The following SLF1 variants were observed in gnomAD, a reference collection of about 807,000 sequenced individuals.
SLF1 encodes SMC5/6 complex localization factor 1.
SLF1 carries 105 observed loss-of-function variants against 123.0 expected under a neutral mutation model. That is an observed-to-expected ratio of 0.85 (90% CI 0.73 to 1.00). SLF1 has a LOEUF of 1.00. Among genes scored for constraint, SLF1 ranks in the 50% least tolerant of loss-of-function variants. The pLI, the probability that SLF1 is intolerant of heterozygous loss-of-function variation, is 0.00. For synonymous variants in SLF1, 434 were observed against 406.6 expected (o/e 1.07, Z -0.81); for missense variants, 1,239 against 1,223.0 (o/e 1.01, Z -0.20).
intron 1 of SLF1, among the ~76,000 whole-genome samples, chr5:94,626,077 C>A (rs2152463808): frequency 6.6e-6 from 1 of 150,706 alleles, no homozygotes; most frequent in East Asian, 2.0e-4. Flanking sequence ...CACGGTGAAA[C>A]CCTGTCTCTA....
rs749964941 is a variant in SLF1, at chr5:94,694,848, CAG to C, written c.2716_2717del (p.Arg906GlufsTer3). ...LQHGGPVLLQ[Q>X]RNAKGELPLD... Reference sequence around the variant, plus strand: ...TTTCACAGGCCCAGTGCTTTTACAACAGAGGAATGCTAAGGGAGAATTGCCCT... The same window carrying C: ...TTTCACAGGCCCAGTGCTTTTACAACAGGAATGCTAAGGGAGAATTGCCCT... On this transcript the variant is annotated frameshift_variant, in exon 21 of 21. Coordinates refer to ENST00000265140, the MANE Select transcript of SLF1 (RefSeq NM_032290.4). LOFTEE classifies it high-confidence loss of function. The C allele has an allele frequency of 2.5e-6, 4 of 1,574,680 alleles. No individual in the cohort carries two copies. The highest frequency in any genetic ancestry group is 3.4e-6 in the Non-Finnish European group (4 of 1,164,112).
At chr5:94,646,153 G>T (rs1747021603) in intron 5 of SLF1, among the ~76,000 whole-genome samples, 1 of 152,186 alleles carries the variant, frequency 6.6e-6, no homozygotes, top group Admixed American at 6.5e-5. Context: ...TTAAGCTGAG[G>T]CAGGTTTGCT....
intron 9 of SLF1, 67 bp from the exon 10 acceptor site, chr5:94,662,231 T>C: frequency 7.3e-7 from 1 of 1,375,822 alleles, no homozygotes; most frequent in Non-Finnish European, 1.0e-6. Flanking sequence ...TCCAAGGTTT[T>C]GGGGAAGCTG....
chr5:94,693,975 G>A (rs766988246), intron 20 of SLF1, among the ~76,000 whole-genome samples: 4 of 151,720 alleles, frequency 2.6e-5, no homozygotes, highest in Non-Finnish European at 5.9e-5. Context: ...GTTATAATCA[G>A]TTCTCTCTTT....
chr5:94,657,664 G>C (rs1444187425), intron 9 of SLF1, among the ~76,000 whole-genome samples: 1 of 151,998 alleles, frequency 6.6e-6, no homozygotes, highest in Non-Finnish European at 1.5e-5. Flanking sequence ...TTACTGTGTT[G>C]AAGTCTCTGT....
intron 6 of SLF1, among the ~76,000 whole-genome samples, chr5:94,651,324 C>T (rs575965114): frequency 6.6e-6 from 1 of 152,290 alleles, no homozygotes; most frequent in South Asian, 2.1e-4. Flanking sequence ...CAGTGCATGA[C>T]TGTATATATG....
At chr5:94,664,444 G>A (rs1028848923) in intron 11 of SLF1, among the ~76,000 whole-genome samples, 14 of 152,264 alleles carry the variant, frequency 9.2e-5, no homozygotes, top group African/African-American at 3.4e-4. Context: ...GTAGGCGCAT[G>A]CCACCATGCC....
Position 94,630,518 on chromosome 5 carries a change from C to T in SLF1, c.206C>T (p.Thr69Ile). 3.9e-6 allele frequency: 6 copies of T among 1,551,014 alleles called. No individual in the cohort carries two copies. Among genetic ancestry groups the T allele is most frequent in the Admixed American group, 2.0e-5 (1 of 50,976 alleles). ...TGCTTTCTAGGAAAGTGGATACTAACCAAGGACTATATAATTCATAGTGCC... is the reference window on the plus strand; with the variant it reads ...TGCTTTCTAGGAAAGTGGATACTAATCAAGGACTATATAATTCATAGTGCC... ...AACAAGKWIL[T>I]KDYIIHSAKS... The change falls in exon 4 of 21, where the codon ACC becomes ATC. Residue 69 changes from threonine (T) to isoleucine (I), a missense_variant. Coordinates refer to ENST00000265140, the MANE Select transcript of SLF1 (RefSeq NM_032290.4).
chr5:94,652,527 T>C (rs1345030189), intron 7 of SLF1, among the ~76,000 whole-genome samples: 3 of 152,234 alleles, frequency 2.0e-5, no homozygotes, highest in Admixed American at 6.5e-5. Flanking sequence ...TTTTATTGTT[T>C]GACTATGCCA....
At chr5:94,642,673 A>G (rs1486690876) in intron 4 of SLF1, among the ~76,000 whole-genome samples, 1 of 152,204 alleles carries the variant, frequency 6.6e-6, no homozygotes, top group Admixed American at 6.5e-5. Flanking sequence ...AAGCAGAAGC[A>G]GAACTTCATG....
In SLF1 at chr5:94,689,938, G is replaced by A. The variant is rs529864033; in HGVS notation, c.2419+332G>A. Among the ~76,000 whole-genome samples the A allele has an allele frequency of 2.0e-5, 3 of 152,238 alleles. No homozygotes were observed. The South Asian group carries it at 6.2e-4, about 32-fold the overall frequency. ...TCTCAACCTGTGCTGCTTAGGATCAGTGTCTTCTGATTTGAAAGTATAATT... is the reference window on the plus strand; with the variant it reads ...TCTCAACCTGTGCTGCTTAGGATCAATGTCTTCTGATTTGAAAGTATAATT... On this transcript the variant is annotated intron_variant, in intron 18 of 20. Transcript: ENST00000265140.
chr5:94,665,955 A>G lies in SLF1; in HGVS notation c.1463A>G (p.Tyr488Cys), dbSNP rs1357418336. The G allele has an allele frequency of 2.6e-6, 4 of 1,551,262 alleles. No homozygotes were observed. The highest frequency in any genetic ancestry group is 3.5e-6 in the Non-Finnish European group (4 of 1,146,698). Residue 488 changes from tyrosine (Y) to cysteine (C), a missense_variant, in exon 12 of 21, where the codon TAT becomes TGT. Transcript: ENST00000265140. ...TGGAAGTCTCCAGCCATGTCGAGAT[A>G]TTATTTAGAGTTGTTTCAGTGTCCA... ...PPWKSPAMSR[Y>C]YLELFQCPTC...
chr5:94,626,737 C>A (rs1168691988), intron 1 of SLF1, among the ~76,000 whole-genome samples: 2 of 152,110 alleles, frequency 1.3e-5, no homozygotes, highest in Admixed American at 1.3e-4. Context: ...ATTGACTTAC[C>A]CACACAGGCA....
intron 5 of SLF1, among the ~76,000 whole-genome samples, chr5:94,646,338 A>T (rs1425911192): frequency 6.6e-6 from 1 of 152,198 alleles, no homozygotes; most frequent in Non-Finnish European, 1.5e-5. Context: ...CAGAACTGGA[A>T]ATCTATGTAT....
intron 4 of SLF1, among the ~76,000 whole-genome samples, chr5:94,640,974 T>G (rs1375184421): frequency 1.3e-5 from 2 of 152,178 alleles, no homozygotes; most frequent in Non-Finnish European, 2.9e-5. Context: ...TTAACAGTGG[T>G]TTGGTTTTCT....
chr5:94,688,451 C>A, intron 16 of SLF1, 55 bp from the exon 17 acceptor site: 2 of 1,533,162 alleles, frequency 1.3e-6, no homozygotes, highest in Non-Finnish European at 1.8e-6. Context: ...CAAATAATTT[C>A]TCTTTACTGC....
At chr5:94,646,179 G>A (rs980825881) in intron 5 of SLF1, among the ~76,000 whole-genome samples, 1 of 152,324 alleles carries the variant, frequency 6.6e-6, no homozygotes, top group Middle Eastern at 3.4e-3. Flanking sequence ...CCAGGATGTT[G>A]AGGCTGCAGT....
chr5:94,679,446 T>A (rs1048030747), intron 15 of SLF1, among the ~76,000 whole-genome samples: 6 of 151,630 alleles, frequency 4.0e-5, no homozygotes, highest in African/African-American at 1.5e-4. Flanking sequence ...AATTTAAAAA[T>A]TTGCTGGACG....
chr5:94,629,382 C>G (rs940666201), intron 3 of SLF1, among the ~76,000 whole-genome samples: 5 of 150,336 alleles, frequency 3.3e-5, no homozygotes, highest in African/African-American at 1.2e-4. Flanking sequence ...AAATATTTAC[C>G]TCAACAAGGA....
Sources: allele counts gnomAD v4.1 joint callset (sites outside exome capture counted in the v4.1 genomes callset), GRCh38; gene constraint gnomAD v4.1.1; transcripts MANE v1.5; gene names NCBI Gene and HGNC (gene_info 2026-07-23, HGNC 2026-07-21).